GABRA2: variants seen among roughly 807,000 people sequenced by gnomAD.
GABRA2 encodes gamma-aminobutyric acid receptor subunit alpha-2.
GABRA2 carries 16 observed loss-of-function variants against 48.7 expected under a neutral mutation model. That is an observed-to-expected ratio of 0.33 (90% CI 0.22 to 0.50). GABRA2 has a LOEUF of 0.50. GABRA2 is among the 20% of genes least tolerant of loss of function. The pLI is 0.98. For missense variants in GABRA2, 275 were observed against 535.6 expected (o/e 0.51, Z 4.80); for synonymous variants, 185 against 184.5 (o/e 1.00, Z -0.02).
chr4:46,337,338 T>G (rs913929588), intron 3 of GABRA2, among the ~76,000 whole-genome samples: 35 of 152,062 alleles, frequency 2.3e-4, no homozygotes, highest in African/African-American at 7.7e-4. Flanking sequence ...AACTCCTTTG[T>G]GCAAAAGTCA....
chr4:46,266,373 A>G (rs1017558626), intron 8 of GABRA2, among the ~76,000 whole-genome samples: 10 of 148,644 alleles, frequency 6.7e-5, no homozygotes, highest in Non-Finnish European at 1.5e-4. Context: ...TAAATTTTAT[A>G]TTTACTTTTT....
In GABRA2 at chr4:46,312,735, T is replaced by A; in HGVS notation, c.256-19A>T. The A allele has an allele frequency of 7.5e-7, 1 of 1,327,766 alleles. No homozygotes were observed. The highest frequency in any genetic ancestry group is 1.0e-6 in the Non-Finnish European group (1 of 970,274). The allele number at this position is 1,327,766 out of a possible 1,614,324, so 82.2% of individuals were successfully genotyped here. A position where few individuals can be genotyped will look rare whatever the true frequency, so the allele number is the denominator to read the frequency against. ...TATATTCCTGAAATAAAAAATAGAA[T>A]TTTTTTGAAAATAGTAAATGTTGTA... is the stretch of plus-strand genomic sequence containing the variant. On this transcript the variant is annotated intron_variant, in intron 4 of 9. Transcript: ENST00000381620.
At chr4:46,255,322 T>C (rs527618828) in intron 9 of GABRA2, among the ~76,000 whole-genome samples, 71 of 151,764 alleles carry the variant, frequency 4.7e-4, no homozygotes, top group Non-Finnish European at 9.1e-4. Flanking sequence ...ATAAATACTT[T>C]ATCAGATCAA....
At chr4:46,305,198 G>A (rs1175198997) in intron 7 of GABRA2, among the ~76,000 whole-genome samples, 1 of 143,248 alleles carries the variant, frequency 7.0e-6, no homozygotes, top group African/African-American at 2.6e-5. Flanking sequence ...TCACTCATAG[G>A]TGGGAATTGA....
At chr4:46,253,364 G>A (rs962875610) in intron 9 of GABRA2, among the ~76,000 whole-genome samples, 3 of 151,346 alleles carry the variant, frequency 2.0e-5, no homozygotes, top group Admixed American at 1.3e-4. Context: ...CAGAACTGAC[G>A]TTGGCTGTAA....
chr4:46,324,643 T>C (rs1730024632), intron 4 of GABRA2, among the ~76,000 whole-genome samples: 1 of 151,912 alleles, frequency 6.6e-6, no homozygotes, highest in Non-Finnish European at 1.5e-5. Context: ...TGCATGTTGC[T>C]GGGGTATGAT....
rs34669556 is a variant in GABRA2 at position 46,265,426 on chromosome 4, G to GTA, written c.857-3300_857-3299dup. ...ATTGTGTATATATATAATATATTGTGTATATATATATAATATATTGTGTAT... is the reference window on the plus strand; with the variant it reads ...ATTGTGTATATATATAATATATTGTGTATATATATATATAATATATTGTGTAT... On this transcript the variant is annotated intron_variant, in intron 8 of 9. Coordinates refer to ENST00000381620, the MANE Select transcript of GABRA2 (RefSeq NM_000807.4). 2.0e-4 allele frequency among the ~76,000 whole-genome samples: 24 copies of GTA among 122,722 alleles called. 1 individual carries two copies. Among genetic ancestry groups the GTA allele is most frequent in the Non-Finnish European group, 3.1e-4 (20 of 64,210 alleles). The allele number at this position is 122,722 out of a possible 152,430, so 80.5% of individuals were successfully genotyped here. A position where few individuals can be genotyped will look rare whatever the true frequency, so the allele number is the denominator to read the frequency against.
chr4:46,270,971 T>G (rs1719205356), intron 8 of GABRA2, among the ~76,000 whole-genome samples: 1 of 149,054 alleles, frequency 6.7e-6, no homozygotes, highest in Non-Finnish European at 1.5e-5. Context: ...AGTTTCTTCA[T>G]GTAAAGCTGT....
intron 8 of GABRA2, among the ~76,000 whole-genome samples, chr4:46,268,787 T>C (rs1385797526): frequency 6.6e-6 from 1 of 151,892 alleles, no homozygotes; most frequent in African/African-American, 2.4e-5. Context: ...GGGATCAACC[T>C]AAGTATCTAC....
chr4:46,371,566 TTTTTTCTACATACCA>T (rs1230049480), intron 3 of GABRA2, among the ~76,000 whole-genome samples: 1 of 151,390 alleles, frequency 6.6e-6, no homozygotes, highest in Non-Finnish European at 1.5e-5. Flanking sequence ...TTAGTTTTAA[TTTTTTCTACATACCA>T]TGTATAGATA....
chr4:46,341,740 C>T (rs925434254), intron 3 of GABRA2, among the ~76,000 whole-genome samples: 1 of 151,986 alleles, frequency 6.6e-6, no homozygotes, highest in African/African-American at 2.4e-5. Flanking sequence ...CATTTTCAGG[C>T]AATTCTGCAA....
chr4:46,294,396 C>T (rs1307827241), intron 8 of GABRA2, among the ~76,000 whole-genome samples: 1 of 152,270 alleles, frequency 6.6e-6, no homozygotes, highest in East Asian at 1.9e-4. Context: ...GCATTTGGCC[C>T]CTCCTACAAC....
chr4:46,244,812 T>C lies in GABRA2; in HGVS notation c.*5496A>G, dbSNP rs1281745531. Among the ~76,000 whole-genome samples, 2 of 151,478 alleles carry C rather than the reference T, an allele frequency of 1.3e-5. No homozygotes were observed. The highest frequency in any genetic ancestry group is 3.0e-5 in the Non-Finnish European group (2 of 67,586). The stretch of plus-strand genomic sequence containing the variant: ...CAATATATTCCCAGAAACTAAATTG[T>C]ACCAAAGAAGTTAGTAAATAGCTAG... On this transcript the variant is annotated 3_prime_UTR_variant, in exon 10 of 10. Coordinates refer to ENST00000381620, the MANE Select transcript of GABRA2 (RefSeq NM_000807.4).
chr4:46,355,092 C>T (rs1337150585), intron 3 of GABRA2, among the ~76,000 whole-genome samples: 1 of 152,102 alleles, frequency 6.6e-6, no homozygotes, highest in African/African-American at 2.4e-5. Context: ...GAGGCACCCT[C>T]CACCCACGTC....
intron 8 of GABRA2, among the ~76,000 whole-genome samples, chr4:46,275,243 C>T (rs542264751): frequency 2.6e-5 from 4 of 152,184 alleles, no homozygotes; most frequent in Admixed American, 6.6e-5. Context: ...CTTAATTAGG[C>T]ATAATTTGAT....
chr4:46,336,112 T>C (rs1487525984), intron 3 of GABRA2, among the ~76,000 whole-genome samples: 3 of 152,206 alleles, frequency 2.0e-5, no homozygotes, highest in Admixed American at 6.5e-5. Context: ...TTCACTATTA[T>C]GTCATGAGGG....
intron 8 of GABRA2, among the ~76,000 whole-genome samples, chr4:46,294,290 T>C (rs1724229503): frequency 6.6e-6 from 1 of 152,144 alleles, no homozygotes; most frequent in Admixed American, 6.5e-5. Flanking sequence ...GGATGAAAAA[T>C]AAATCCAACT....
rs1190938630 is a variant in GABRA2, at chr4:46,390,112, G to C, written c.-388C>G. On this transcript the variant is annotated 5_prime_UTR_variant, in exon 1 of 10. Transcript: ENST00000381620. Reference sequence around the variant, plus strand: ...GCGCGGTGCGCGCCGGCGGTGGCGGGCACGAGCCCCGCGCCTGGAGGAGGA... The same window carrying C: ...GCGCGGTGCGCGCCGGCGGTGGCGGCCACGAGCCCCGCGCCTGGAGGAGGA... 4 of 973,878 alleles carry C rather than the reference G, an allele frequency of 4.1e-6. No homozygotes were observed. In the Admixed American group the frequency reaches 1.9e-4, roughly 45 times the overall value. 60.3% of individuals were successfully genotyped at this position (973,878 alleles called of 1,614,324 possible). A position where few individuals can be genotyped will look rare whatever the true frequency, so the allele number is the denominator to read the frequency against.
At chr4:46,269,055 G>A (rs191054679) in intron 8 of GABRA2, among the ~76,000 whole-genome samples, 20 of 151,738 alleles carry the variant, frequency 1.3e-4, no homozygotes, top group Non-Finnish European at 2.2e-4. Context: ...TAAATGAAAT[G>A]GGAAGATGAT....
Sources: allele counts gnomAD v4.1 joint callset (sites outside exome capture counted in the v4.1 genomes callset), GRCh38; gene constraint gnomAD v4.1.1; transcripts MANE v1.5; gene names NCBI Gene and HGNC (gene_info 2026-07-23, HGNC 2026-07-21).